Variants in CYP17A1 observed in about 807,000 individuals in gnomAD.
CYP17A1 encodes the protein cytochrome P450 family 17 subfamily A member 1, also known as steroid 17-alpha-hydroxylase/17,20 lyase.
In CYP17A1, 27 loss-of-function variants were observed where a neutral mutation model predicts 38.5. That is an observed-to-expected ratio of 0.70 (90% confidence interval 0.52 to 0.97). The LOEUF (loss-of-function observed/expected upper bound fraction) is 0.97. Ranked by LOEUF, CYP17A1 falls within the 50% of genes least tolerant of loss-of-function variation. The pLI is 0.00. For missense variants in CYP17A1, 549 were observed against 645.9 expected (o/e 0.85, Z 1.63); for synonymous variants, 263 against 253.3 (o/e 1.04, Z -0.36).
chr10:102,835,065 C>G (rs764087679), intron 2 of CYP17A1, 51 bp from the exon 3 acceptor site: 22 of 1,214,264 alleles, frequency 1.8e-5, no homozygotes, highest in African/African-American at 1.5e-4. Context: ...ACCCTTACCC[C>G]CTCTCTGTAC....
chr10:102,831,716 C>A, intron 6 of CYP17A1, 105 bp from the exon 7 acceptor site: 5 of 1,544,432 alleles, frequency 3.2e-6, no homozygotes, highest in Non-Finnish European at 4.4e-6. Flanking sequence ...ATGCCCTTTA[C>A]TCCCTCATTC....
Position 102,832,933 on chromosome 10 carries a change from T to A in CYP17A1, c.969+60A>T, listed in dbSNP as rs1844110963. On this transcript the variant is annotated intron_variant, in intron 5 of 7. Transcript: ENST00000369887. ...AAGCCTGAGAGAATTGGCTCTCCCT[T>A]TCTCTGGAGCCCAGAGATTGGGCTG... The A allele has an allele frequency of 6.3e-6, 10 of 1,598,676 alleles. No homozygotes were observed. In the East Asian group the frequency reaches 2.3e-4, roughly 36 times the overall value.
Position 102,830,805 on chromosome 10 carries a change from G to A in CYP17A1, c.1424C>T (p.Ser475Phe). The change falls in exon 8 of 8, where the codon TCC becomes TTC. Residue 475 changes from serine to phenylalanine, a missense_variant. Around this residue, in one of 3 missense-constraint regions of CYP17A1, gnomAD observed 257 missense variants for 307.9 expected, o/e 0.83. Transcript: ENST00000369887. This position sits in a 1 kb window ranked among gnomAD's most constrained non-coding sequence, Gnocchi z 4.1. ...GACCACCTTGGGGATGCCTTCCAGG[G>A]AGGGCAGCTGCCCATCATCTGGCAC... Reference protein sequence around the residue: ...LEVPDDGQLPSLEGIPKVVFL... With the variant: ...LEVPDDGQLPFLEGIPKVVFL... 1 of 1,593,468 alleles carries A rather than the reference G, an allele frequency of 6.3e-7. No homozygotes were observed. The highest frequency in any genetic ancestry group is 8.6e-7 in the Non-Finnish European group (1 of 1,165,056).
Position 102,832,521 on chromosome 10 carries a change from C to T in CYP17A1, c.1129G>A (p.Val377Ile), listed in dbSNP as rs200798945. 5 of 1,606,094 alleles carry T rather than the reference C, an allele frequency of 3.1e-6. No homozygotes were observed. Among genetic ancestry groups the T allele is most frequent in the Middle Eastern group, 1.7e-4 (1 of 6,050 alleles). The change falls in exon 6 of 8, where the codon GTT (valine) becomes ATT (isoleucine). Residue 377 changes from valine (V) to isoleucine (I), a missense_variant. Coordinates refer to ENST00000369887, the MANE Select transcript of CYP17A1 (RefSeq NM_000102.4). ...GGAGGGCAGGCACACCTGGAGTCAA[C>T]GTTGGCCTTGTGGGGGATGAGCATA... is the stretch of plus-strand genomic sequence containing the variant. Reference protein sequence around the residue: ...APMLIPHKANVDSSIGEFAVD... With the variant: ...APMLIPHKANIDSSIGEFAVD...
At chr10:102,833,985 C>A in intron 4 of CYP17A1, 51 bp downstream of exon 4, 1 of 859,148 alleles carries the variant, frequency 1.2e-6, no homozygotes, top group South Asian at 1.3e-5. Context: ...CCACCCTGCT[C>A]TTGTGATTAC....
At chr10:102,831,417 G>A (rs991026430) in intron 7 of CYP17A1, 91 bp downstream of exon 7, 36 of 1,566,344 alleles carry the variant, frequency 2.3e-5, no homozygotes, top group Non-Finnish European at 3.1e-5. Flanking sequence ...TTTTCTAGCA[G>A]CAAGCTTGGC....
At chr10:102,835,555 C>G in intron 1 of CYP17A1, 163 bp from the exon 2 acceptor site, 2 of 720,600 alleles carry the variant, frequency 2.8e-6, no homozygotes, top group South Asian at 2.9e-5. Context: ...ACTGCAAGGA[C>G]TTGGTAGGAC....
chr10:102,831,492 G>T lies in CYP17A1; in HGVS notation c.1243+16C>A. On this transcript the variant is annotated intron_variant, in intron 7 of 7. Transcript: ENST00000369887. ...GCTCGCTGTGTGGCCCAGGGCGCAGGACAGGACAGACTCACCAGGCATGAA... is the reference window on the plus strand; with the variant it reads ...GCTCGCTGTGTGGCCCAGGGCGCAGTACAGGACAGACTCACCAGGCATGAA... 6.2e-7 allele frequency: 1 copy of T among 1,613,654 alleles called. No individual in the cohort carries two copies. The highest frequency in any genetic ancestry group is 8.5e-7 in the Non-Finnish European group (1 of 1,179,978).
At chr10:102,835,688 C>T in intron 1 of CYP17A1, 1 of 428,764 alleles carries the variant, frequency 2.3e-6, no homozygotes, top group East Asian at 5.0e-5. Context: ...GCCCTCTGGG[C>T]TTCTTTTTGC....
Position 102,832,591 on chromosome 10 carries a change from C to T in CYP17A1, c.1059G>A (p.Leu353=). ...GAAGCACCTCTCGGATGGTGGCCTC[C>T]AGCAGGAGGAGACGGTTACGGTCAC... ...TISDRNRLLL[L]EATIREVLRL... is the part of the protein sequence containing the mutation. Residue 353 remains leucine, a synonymous_variant, in exon 6 of 8, where the codon CTG becomes CTA. Transcript: ENST00000369887. The T allele has an allele frequency of 6.2e-7, 1 of 1,608,828 alleles. No individual in the cohort carries two copies. Among genetic ancestry groups the T allele is most frequent in the Non-Finnish European group, 8.5e-7 (1 of 1,175,172 alleles).
intron 7 of CYP17A1, among the ~76,000 whole-genome samples, chr10:102,831,265 C>T (rs888446339): frequency 7.2e-5 from 11 of 152,194 alleles, no homozygotes; most frequent in African/African-American, 2.4e-4. Flanking sequence ...GACTTAATGG[C>T]AGACAGAGGC....
intron 6 of CYP17A1, 118 bp downstream of exon 6, chr10:102,832,393 T>C: frequency 1.3e-6 from 1 of 764,520 alleles, no homozygotes. Context: ...TTTTAGTAGT[T>C]GATGGTTGAC....
chr10:102,834,308 T>A (rs1844130038), intron 3 of CYP17A1, 186 bp from the exon 4 acceptor site: 1 of 621,266 alleles, frequency 1.6e-6, no homozygotes, highest in African/African-American at 1.9e-5. Context: ...ACGAAGACAA[T>A]TCTAAACAAG....
At chr10:102,836,624 C>T (rs1844166158) in intron 1 of CYP17A1, 2 of 192,284 alleles carry the variant, frequency 1.0e-5, no homozygotes, top group Non-Finnish European at 2.2e-5. Flanking sequence ...TAGGCTAATT[C>T]TCCCCAGCAG....
intron 1 of CYP17A1, among the ~76,000 whole-genome samples, chr10:102,835,847 G>C (rs974566192): frequency 6.6e-6 from 1 of 152,122 alleles, no homozygotes; most frequent in Non-Finnish European, 1.5e-5. Context: ...TGAGCTAAAG[G>C]CACAGCTCAC....
rs753018787 is a variant in CYP17A1, at chr10:102,834,114, G to A, written c.675C>T (p.Pro225=). Residue 225 remains proline, a synonymous_variant, in exon 4 of 8, where the codon CCC becomes CCT. Transcript: ENST00000369887. ...VDLVPWLKIF[P]NKTLEKLKSH... ...TCTTTAATTTTTCCAGGGTTTTGTT[G>A]GGGAAAATCTGGGAAATAAAAAGAA... The A allele has an allele frequency of 2.4e-6, 3 of 1,251,858 alleles. No individual in the cohort carries two copies. The African/African-American group carries it at 4.4e-5, about 18-fold the overall frequency. 77.5% of individuals were successfully genotyped at this position (1,251,858 alleles called of 1,614,324 possible).
At position 102,835,392 on chromosome 10, in the gene CYP17A1, C is replaced by T. The variant is rs1298428228; in HGVS notation, c.298G>A (p.Ala100Thr). 2 of 1,611,328 alleles carry T rather than the reference C, an allele frequency of 1.2e-6. No homozygotes were observed. Among genetic ancestry groups the T allele is most frequent in the Admixed American group, 3.3e-5 (2 of 60,010 alleles). Residue 100 changes from alanine to threonine, a missense_variant and splice_region_variant, in exon 2 of 8, where the codon GCA becomes ACA. By Grantham distance (58) the Ala-to-Thr change is moderately conservative. Coordinates refer to ENST00000369887, the MANE Select transcript of CYP17A1 (RefSeq NM_000102.4). The part of the protein sequence containing the change: ...GKDFSGRPQM[A>T]TLDIASNNRK... ...TTGTTGGACGCGATGTCTAGAGTTGCCTTTAGAGAGCAGGCAAGGCTGTAG... is the reference window on the plus strand; with the variant it reads ...TTGTTGGACGCGATGTCTAGAGTTGTCTTTAGAGAGCAGGCAAGGCTGTAG...
Position 102,836,197 on chromosome 10 carries a change from G to A in CYP17A1, c.298-805C>T, listed in dbSNP as rs1258346417. On this transcript the variant is annotated intron_variant, in intron 1 of 7. Coordinates refer to ENST00000369887, the MANE Select transcript of CYP17A1 (RefSeq NM_000102.4). ...AGGCTGGCAGGGCACAGTGGCTTACGCCTATAATCCTAGCACTTTGGGAGG... is the reference window on the plus strand; with the variant it reads ...AGGCTGGCAGGGCACAGTGGCTTACACCTATAATCCTAGCACTTTGGGAGG... Among the ~76,000 whole-genome samples the A allele has an allele frequency of 2.6e-5, 4 of 152,234 alleles. No homozygotes were observed. In the East Asian group the frequency reaches 5.8e-4, roughly 22 times the overall value.
intron 5 of CYP17A1, 82 bp downstream of exon 5, chr10:102,832,911 C>A: frequency 6.4e-7 from 1 of 1,572,642 alleles, no homozygotes; most frequent in Non-Finnish European, 8.6e-7. Flanking sequence ...GCACAGAAAG[C>A]CTGAGAGAAT....
Sources: allele counts gnomAD v4.1 joint callset (sites outside exome capture counted in the v4.1 genomes callset), GRCh38; gene constraint gnomAD v4.1.1; regional missense constraint gnomAD v4.1.1; non-coding constraint Gnocchi (gnomAD v3.1); transcripts MANE v1.5; gene names NCBI Gene and HGNC (gene_info 2026-07-23, HGNC 2026-07-21).